CLSTN2: variants seen among roughly 807,000 people sequenced by gnomAD.
CLSTN2 encodes the protein calsyntenin 2, also known as calsyntenin-2.
CLSTN2 carries 48 observed loss-of-function variants against 101.2 expected under a neutral mutation model. The observed-to-expected ratio is 0.47, with a 90% CI of 0.38 to 0.60. The LOEUF is 0.60. Among genes scored for constraint, CLSTN2 ranks in the 20% least tolerant of loss-of-function variants. CLSTN2 has a pLI of 0.00. For synonymous variants in CLSTN2, 481 were observed against 463.6 expected (o/e 1.04, Z -0.48); for missense variants, 1,160 against 1,238.2 (o/e 0.94, Z 0.95).
chr3:139,972,321 C>T lies in CLSTN2; in HGVS notation c.109+36838C>T, dbSNP rs1935722250. Among the ~76,000 whole-genome samples the T allele has an allele frequency of 2.0e-5, 3 of 151,950 alleles. No homozygotes were observed. The South Asian group carries it at 6.2e-4, about 32-fold the overall frequency. On this transcript the variant is annotated intron_variant, in intron 1 of 16. Transcript: ENST00000458420. ...GTGTGGGTTTTACAATTTAGTGGGT[C>T]CTCCTTTACTCTTTCAGGCATCCTA...
intron 1 of CLSTN2, among the ~76,000 whole-genome samples, chr3:140,022,547 C>T (rs971055903): frequency 1.3e-5 from 2 of 152,134 alleles, no homozygotes; most frequent in African/African-American, 2.4e-5. Context: ...GGAGACTGGG[C>T]GCTGCAGGAG....
chr3:140,001,199 T>C (rs2006828253), intron 1 of CLSTN2, among the ~76,000 whole-genome samples: 1 of 152,140 alleles, frequency 6.6e-6, no homozygotes, highest in Non-Finnish European at 1.5e-5. Flanking sequence ...ACAGTACAAC[T>C]CTTACTACGT....
At chr3:140,430,781 G>T (rs1490818179) in intron 5 of CLSTN2, among the ~76,000 whole-genome samples, 1 of 152,176 alleles carries the variant, frequency 6.6e-6, no homozygotes, top group Non-Finnish European at 1.5e-5. Context: ...TGCACAAAGG[G>T]CAGGAACATC....
Position 139,937,533 on chromosome 3 carries a change from T to G in CLSTN2, c.109+2050T>G, listed in dbSNP as rs1180119966. On this transcript the variant is annotated intron_variant, in intron 1 of 16. Transcript: ENST00000458420. ...GGGCGGATCACCTGAGGTTAGGGGT[T>G]CGAGACCAGCCTGACCAACATGGAG... Among the ~76,000 whole-genome samples the G allele has an allele frequency of 2.0e-5, 3 of 149,722 alleles. No individual in the cohort carries two copies. The East Asian group carries it at 5.9e-4, about 29-fold the overall frequency.
At chr3:140,463,189 C>T (rs1933603376) in intron 7 of CLSTN2, among the ~76,000 whole-genome samples, 2 of 152,226 alleles carry the variant, frequency 1.3e-5, no homozygotes. Flanking sequence ...AGTAATCAAT[C>T]CCCTCCTACA....
chr3:140,476,309 C>T (rs1465372776), intron 8 of CLSTN2, among the ~76,000 whole-genome samples: 4 of 152,184 alleles, frequency 2.6e-5, no homozygotes, highest in African/African-American at 7.2e-5. Context: ...AACTTGGAAC[C>T]AGCATTTTTT....
intron 1 of CLSTN2, among the ~76,000 whole-genome samples, chr3:140,017,336 C>T (rs1265010873): frequency 1.3e-5 from 2 of 152,112 alleles, no homozygotes; most frequent in East Asian, 3.9e-4. Flanking sequence ...TTGGGAAGTG[C>T]TTGTCAGAAG....
At chr3:140,054,340 G>T (rs2008057035) in intron 1 of CLSTN2, among the ~76,000 whole-genome samples, 1 of 152,104 alleles carries the variant, frequency 6.6e-6, no homozygotes, top group Non-Finnish European at 1.5e-5. Flanking sequence ...CCCTTTGATA[G>T]TTGCTGAAAC....
At chr3:140,512,891 C>T (rs912816140) in intron 8 of CLSTN2, among the ~76,000 whole-genome samples, 4 of 152,056 alleles carry the variant, frequency 2.6e-5, no homozygotes, top group African/African-American at 9.7e-5. Flanking sequence ...AATGGGAGTT[C>T]ATTCATGATT....
Position 140,448,544 on chromosome 3 carries a change from G to T in CLSTN2, c.813G>T (p.Gln271His). 1 of 1,614,028 alleles carries T rather than the reference G, an allele frequency of 6.2e-7. No homozygotes were observed. The highest frequency in any genetic ancestry group is 1.1e-5 in the South Asian group (1 of 91,062). ...WQDWTKRIEY[Q>H]PGSGSMPLFP... ...ACTGGACCAAGAGGATTGAGTACCAGCCTGGCTCCGGGAGCATGCCCCTGT... is the reference window on the plus strand; with the variant it reads ...ACTGGACCAAGAGGATTGAGTACCATCCTGGCTCCGGGAGCATGCCCCTGT... The change falls in exon 6 of 17, where the codon CAG (glutamine) becomes CAT (histidine). Residue 271 changes from glutamine to histidine, a missense_variant. By Grantham distance (24) the Gln-to-His change is conservative. Coordinates refer to ENST00000458420, the MANE Select transcript of CLSTN2 (RefSeq NM_022131.3).
chr3:140,090,575 G>A (rs1446003791), intron 1 of CLSTN2, among the ~76,000 whole-genome samples: 2 of 152,126 alleles, frequency 1.3e-5, no homozygotes, highest in Non-Finnish European at 2.9e-5. Flanking sequence ...GATGTGGGTG[G>A]AAGCAAGATG....
At chr3:140,048,495 C>T (rs758423625) in intron 1 of CLSTN2, among the ~76,000 whole-genome samples, 4 of 152,180 alleles carry the variant, frequency 2.6e-5, no homozygotes, top group Non-Finnish European at 5.9e-5. Context: ...GCTTGCTCCT[C>T]GGGGGCCAGG....
intron 2 of CLSTN2, among the ~76,000 whole-genome samples, 170 bp downstream of exon 2, chr3:140,176,243 C>T (rs1383126527): frequency 2.0e-5 from 3 of 152,164 alleles, no homozygotes; most frequent in Non-Finnish European, 2.9e-5. Flanking sequence ...TGGATTCTGG[C>T]TGTCCTTATG....
At chr3:139,942,132 A>G (rs1450886706) in intron 1 of CLSTN2, among the ~76,000 whole-genome samples, 1 of 152,174 alleles carries the variant, frequency 6.6e-6, no homozygotes, top group Non-Finnish European at 1.5e-5. Flanking sequence ...GAGGTCAGAG[A>G]GGCTCTGCTG....
At chr3:140,399,966 GA>G (rs200457908) in intron 2 of CLSTN2, among the ~76,000 whole-genome samples, 125 of 140,220 alleles carry the variant, frequency 8.9e-4, no homozygotes, top group African/African-American at 1.0e-3. Flanking sequence ...AGGGCAGCCT[GA>G]AAAAAAAAAA....
intron 1 of CLSTN2, among the ~76,000 whole-genome samples, chr3:140,012,624 T>G (rs1471509883): frequency 6.6e-6 from 1 of 152,112 alleles, no homozygotes; most frequent in Non-Finnish European, 1.5e-5. Flanking sequence ...TTCTAACTCA[T>G]GGGCAGAACT....
intron 2 of CLSTN2, among the ~76,000 whole-genome samples, chr3:140,259,854 G>C (rs2086635178): frequency 6.6e-6 from 1 of 152,058 alleles, no homozygotes; most frequent in South Asian, 2.1e-4. Flanking sequence ...GGATATGCCT[G>C]AATTATTTGT....
Position 140,165,836 on chromosome 3 carries a change from G to T in CLSTN2, c.110-10115G>T, listed in dbSNP as rs186202404. ...ATAGTTAGAAATCATTTTATTACAAGAACAGATACTCAAACTAGCACAATT... is the reference window on the plus strand; with the variant it reads ...ATAGTTAGAAATCATTTTATTACAATAACAGATACTCAAACTAGCACAATT... On this transcript the variant is annotated intron_variant, in intron 1 of 16. Transcript: ENST00000458420. Among the ~76,000 whole-genome samples the T allele has an allele frequency of 2.0e-3, 310 of 152,288 alleles. 2 individuals are homozygous for T. The highest frequency in any genetic ancestry group is 5.7e-3 in the African/African-American group (236 of 41,568).
intron 1 of CLSTN2, among the ~76,000 whole-genome samples, chr3:139,990,489 C>T (rs563953451): frequency 5.3e-5 from 8 of 152,296 alleles, no homozygotes; most frequent in African/African-American, 1.4e-4. Context: ...TGTCTGACAC[C>T]TTCAGAAATG....
Sources: allele counts gnomAD v4.1 joint callset (sites outside exome capture counted in the v4.1 genomes callset), GRCh38; gene constraint gnomAD v4.1.1; transcripts MANE v1.5; gene names NCBI Gene and HGNC (gene_info 2026-07-23, HGNC 2026-07-21).